CYB5RL: variants seen among roughly 807,000 people sequenced by gnomAD.
The protein encoded by CYB5RL is cytochrome b5 reductase like.
A neutral mutation model predicts 37.5 loss-of-function variants in CYB5RL; 38 were observed. The ratio of observed to expected loss-of-function variants is 1.01; its 90% CI spans 0.78 to 1.33. The LOEUF (loss-of-function observed/expected upper bound fraction) is 1.33. Ranked by LOEUF, CYB5RL falls within the 40% of genes most tolerant of loss-of-function variation. CYB5RL has a pLI of 0.00. For missense variants in CYB5RL, 388 were observed against 394.4 expected, an observed-to-expected ratio of 0.98 and a Z score of 0.14; for synonymous variants, 141 against 151.9, an observed-to-expected ratio of 0.93 and a Z score of 0.53.
chr1:54,190,999 C>T (rs941023350), intron 3 of CYB5RL, 103 bp from the exon 4 acceptor site: 149 of 1,455,814 alleles, frequency 1.0e-4, no homozygotes, highest in Non-Finnish European at 1.1e-4. Flanking sequence ...TGTCTTGGCT[C>T]GGGAAGTTTC....
intron 6 of CYB5RL, chr1:54,180,324 C>G (rs1557719658): frequency 8.3e-6 from 3 of 362,612 alleles, no homozygotes; most frequent in Non-Finnish European, 1.6e-5. Context: ...AGGCTCTAGG[C>G]CTCTTAAAGA....
At chr1:54,186,268 T>C (rs1256130075) in intron 5 of CYB5RL, 1 of 152,252 alleles carries the variant, frequency 6.6e-6, no homozygotes, top group African/African-American at 2.4e-5. Flanking sequence ...GTCATCTTTT[T>C]GAGCTTCAGT....
At chr1:54,175,822 T>G (rs955294962) in intron 7 of CYB5RL, among the ~76,000 whole-genome samples, 4 of 152,164 alleles carry the variant, frequency 2.6e-5, no homozygotes, top group Non-Finnish European at 5.9e-5. Context: ...GTGCATAGAT[T>G]ACATGCAAAT....
intron 5 of CYB5RL, chr1:54,186,140 C>T (rs1242194396): frequency 6.6e-6 from 1 of 152,532 alleles, no homozygotes; most frequent in African/African-American, 2.4e-5. Flanking sequence ...CTAATACATA[C>T]CCACACAGAG....
rs1020017361 is a variant in CYB5RL, at chr1:54,172,109, G to A, written c.*2510C>T. 6.5e-6 allele frequency: 1 copy of A among 153,154 alleles called. No individual in the cohort carries two copies. Among genetic ancestry groups the A allele is most frequent in the Admixed American group, 6.5e-5 (1 of 15,496 alleles). 9.5% of individuals were successfully genotyped at this position (153,154 alleles called of 1,614,324 possible). ...TAAAATGAGACAAGGACAGAGATAC[G>A]AGAACTGCCCCGGACTCTCTACTCC... On this transcript the variant is annotated 3_prime_UTR_variant, in exon 8 of 8. Transcript: ENST00000534324.
chr1:54,175,560 AT>A, intron 7 of CYB5RL: 1 of 320,690 alleles, frequency 3.1e-6, no homozygotes, highest in South Asian at 2.4e-5. Context: ...TTAAATGAAC[AT>A]TTTATTGGAG....
rs1659893594 is a variant in CYB5RL, at chr1:54,171,545, G to T, written c.*3074C>A. 1 of 412,608 alleles carries T rather than the reference G, an allele frequency of 2.4e-6. No homozygotes were observed. The highest frequency in any genetic ancestry group is 4.9e-6 in the Non-Finnish European group (1 of 203,826). 25.6% of individuals were successfully genotyped at this position (412,608 alleles called of 1,614,324 possible). A position where few individuals can be genotyped will look rare whatever the true frequency, so the allele number is the denominator to read the frequency against. On this transcript the variant is annotated 3_prime_UTR_variant, in exon 8 of 8. Transcript: ENST00000534324. ...AAGCCAATGCCGCTTCTGCGACCAA[G>T]AATCTGTCCTCAGGCCCTCTAGTAG...
chr1:54,187,743 A>G lies in CYB5RL; in HGVS notation c.348-4T>C, dbSNP rs1437106704. ...TTCTAAGTCATCTACTATCCCTCTG[A>G]GAAACAGAAGTGTGCAGTCAGTCAG... is the stretch of plus-strand genomic sequence containing the variant. On this transcript the variant is annotated splice_region_variant and splice_polypyrimidine_tract_variant and intron_variant, in intron 4 of 7. Coordinates refer to ENST00000534324, the MANE Select transcript of CYB5RL (RefSeq NM_001031672.4). The G allele has an allele frequency of 1.2e-6, 2 of 1,613,428 alleles. No homozygotes were observed.
chr1:54,192,564 T>A (rs1643965829), intron 3 of CYB5RL, among the ~76,000 whole-genome samples: 1 of 152,160 alleles, frequency 6.6e-6, no homozygotes, highest in Admixed American at 6.5e-5. Context: ...TTACTGAGCA[T>A]CTACCATGTG....
intron 1 of CYB5RL, among the ~76,000 whole-genome samples, chr1:54,197,195 G>C (rs1644015155): frequency 6.6e-6 from 1 of 152,154 alleles, no homozygotes; most frequent in African/African-American, 2.4e-5. Context: ...ACAGTGAAGA[G>C]AGAAAAACAG....
At position 54,173,740 on chromosome 1, in the gene CYB5RL, G is replaced by T. The variant is rs1194426669; in HGVS notation, c.*879C>A. The T allele has an allele frequency of 1.3e-5, 2 of 152,656 alleles. No individual in the cohort carries two copies. The highest frequency in any genetic ancestry group is 2.9e-5 in the Non-Finnish European group (2 of 68,056). The allele number at this position is 152,656 out of a possible 1,614,324, so 9.5% of individuals were successfully genotyped here. ...CAGAATTCATTAACTGCAGTGCGCT[G>T]CCCAGGGGCACTGGGTTCCTGGGAT... On this transcript the variant is annotated 3_prime_UTR_variant, in exon 8 of 8. Transcript: ENST00000534324.
Position 54,171,204 on chromosome 1 carries a change from G to A in CYB5RL, c.*3415C>T, listed in dbSNP as rs1276904673. Reference sequence around the variant, plus strand: ...AAAGGTGAGTGGGAGATCGGAAGGTGGGAGGCTGGCCAGGCAGAGGAAGCA... The same window carrying A: ...AAAGGTGAGTGGGAGATCGGAAGGTAGGAGGCTGGCCAGGCAGAGGAAGCA... On this transcript the variant is annotated 3_prime_UTR_variant, in exon 8 of 8. Transcript: ENST00000534324. 8.8e-6 allele frequency: 4 copies of A among 455,964 alleles called. No individual in the cohort carries two copies. Among genetic ancestry groups the A allele is most frequent in the East Asian group, 7.0e-5 (1 of 14,388 alleles). The allele number at this position is 455,964 out of a possible 1,614,324, so 28.2% of individuals were successfully genotyped here. A position where few individuals can be genotyped will look rare whatever the true frequency, so the allele number is the denominator to read the frequency against.
intron 6 of CYB5RL, chr1:54,180,235 T>TAAAA (rs11410550): frequency 1.2e-3 from 374 of 321,116 alleles, no homozygotes; most frequent in Middle Eastern, 2.3e-3. Context: ...AGATTCCATC[T>TAAAA]AAAAAAAAAA....
At position 54,187,637 on chromosome 1, in the gene CYB5RL, CA is replaced by C. The variant is rs780418100; in HGVS notation, c.435+14del. The C allele has an allele frequency of 2.5e-6, 4 of 1,613,130 alleles. No individual in the cohort carries two copies. The highest frequency in any genetic ancestry group is 1.7e-4 in the Middle Eastern group (1 of 6,060). ...TCTCCACGGCATCTTGGAGCATCCT[CA>C]AGGGTCAACTCACCTTAATTAACAC... is the stretch of plus-strand genomic sequence containing the variant. On this transcript the variant is annotated intron_variant, in intron 5 of 7. Coordinates refer to ENST00000534324, the MANE Select transcript of CYB5RL (RefSeq NM_001031672.4).
chr1:54,186,621 C>T (rs1403314117), intron 5 of CYB5RL, among the ~76,000 whole-genome samples: 1 of 152,184 alleles, frequency 6.6e-6, no homozygotes, highest in Non-Finnish European at 1.5e-5. Context: ...ATCCTTTCCA[C>T]AGAAACACAC....
chr1:54,176,690 T>G (rs945568285), intron 7 of CYB5RL, among the ~76,000 whole-genome samples: 1 of 152,202 alleles, frequency 6.6e-6, no homozygotes, highest in African/African-American at 2.4e-5. Flanking sequence ...CCTTTTCCAC[T>G]GCTCATTTCC....
At chr1:54,194,590 C>T (rs868589408) in intron 3 of CYB5RL, among the ~76,000 whole-genome samples, 7 of 152,074 alleles carry the variant, frequency 4.6e-5, no homozygotes, top group South Asian at 2.1e-4. Context: ...GGGAGGATCA[C>T]TTGAGACCAA....
rs1312418237 is a variant in CYB5RL, at chr1:54,174,381, T to A, written c.*238A>T. 9.4e-6 allele frequency: 5 copies of A among 532,852 alleles called. No individual in the cohort carries two copies. In the Admixed American group the frequency reaches 1.6e-4, roughly 17 times the overall value. The allele number at this position is 532,852 out of a possible 1,614,324, so 33.0% of individuals were successfully genotyped here. A position where few individuals can be genotyped will look rare whatever the true frequency, so the allele number is the denominator to read the frequency against. On this transcript the variant is annotated 3_prime_UTR_variant, in exon 8 of 8. Transcript: ENST00000534324. The stretch of plus-strand genomic sequence containing the variant: ...CTGACTCCCAGGCTGGTTGCTCACC[T>A]CCTCAGGGCCCCTACAGCCCATCCT...
chr1:54,183,422 A>G (rs1305979133), intron 6 of CYB5RL, among the ~76,000 whole-genome samples: 1 of 152,218 alleles, frequency 6.6e-6, no homozygotes, highest in Non-Finnish European at 1.5e-5. Context: ...ATATGCACCA[A>G]CTGATGAGAA....
Sources: allele counts gnomAD v4.1 joint callset (sites outside exome capture counted in the v4.1 genomes callset), GRCh38; gene constraint gnomAD v4.1.1; transcripts MANE v1.5; gene names NCBI Gene and HGNC (gene_info 2026-07-23, HGNC 2026-07-21).